DCAF12: variants seen among roughly 807,000 people sequenced by gnomAD.
DCAF12 encodes DDB1- and CUL4-associated factor 12.
Under a neutral mutation model 52.8 loss-of-function variants are expected in DCAF12, and 28 were observed. The observed-to-expected ratio is 0.53, with a 90% CI of 0.39 to 0.73. The LOEUF (loss-of-function observed/expected upper bound fraction) is 0.73, where lower values mean the gene tolerates loss of function less well. DCAF12 is among the 30% of genes least tolerant of loss of function. The probability of loss-of-function intolerance (pLI) is 0.00; values close to 1 mark genes in which losing one functional copy is unlikely to be tolerated. For missense variants in DCAF12, 425 were observed against 552.2 expected, an observed-to-expected ratio of 0.77 and a Z score of 2.31; for synonymous variants, 196 against 215.5, an observed-to-expected ratio of 0.91 and a Z score of 0.79.
chr9:34,108,812 A>ATAT (rs377504137), intron 2 of DCAF12, among the ~76,000 whole-genome samples: 10,086 of 138,522 alleles, frequency 0.073, 491 homozygotes, highest in South Asian at 0.11. Context: ...TAAATAAATA[A>ATAT]ATATATATAT....
At chr9:34,113,209 G>A (rs1293827884) in intron 2 of DCAF12, among the ~76,000 whole-genome samples, 3 of 151,898 alleles carry the variant, frequency 2.0e-5, no homozygotes, top group Non-Finnish European at 2.9e-5. Context: ...CTGCCACCAC[G>A]CCCGGCTAAT....
At chr9:34,114,183 C>T (rs568420352) in intron 2 of DCAF12, among the ~76,000 whole-genome samples, 21 of 152,184 alleles carry the variant, frequency 1.4e-4, no homozygotes, top group African/African-American at 4.8e-4. Flanking sequence ...CTTTGGACAA[C>T]ATGGATGAAC....
At chr9:34,106,694 G>A (rs2131434631) in intron 3 of DCAF12, among the ~76,000 whole-genome samples, 200 bp from the exon 4 acceptor site, 1 of 152,312 alleles carries the variant, frequency 6.6e-6, no homozygotes, top group South Asian at 2.1e-4. Context: ...AAGCTGGAAT[G>A]AAATTGGCAC....
intron 3 of DCAF12, 77 bp downstream of exon 3, chr9:34,107,282 G>A (rs1012975483): frequency 9.2e-6 from 13 of 1,407,818 alleles, no homozygotes; most frequent in African/African-American, 1.4e-5. Context: ...GGGCTGATGA[G>A]AGGAGGGTCC....
intron 2 of DCAF12, among the ~76,000 whole-genome samples, chr9:34,121,452 G>C (rs1829172836): frequency 6.6e-6 from 1 of 152,084 alleles, no homozygotes; most frequent in South Asian, 2.1e-4. Flanking sequence ...TATGGTGAAG[G>C]TTCTCCTAGG....
At chr9:34,108,808 A>T (rs12351200) in intron 2 of DCAF12, among the ~76,000 whole-genome samples, 6,412 of 115,132 alleles carry the variant, frequency 0.056, 211 homozygotes, top group East Asian at 0.11. Context: ...AAAATAAATA[A>T]ATAAATATAT....
In DCAF12 at chr9:34,126,467, G is replaced by C; in HGVS notation, c.-36C>G. 6.3e-7 allele frequency: 1 copy of C among 1,594,378 alleles called. No individual in the cohort carries two copies. ...GCCGCCGCGGCCCCGCAGCCACATG[G>C]GGCGGGGGAAGCGAAGGATAGCAGG... On this transcript the variant is annotated 5_prime_UTR_variant, in exon 1 of 9. Transcript: ENST00000361264.
At chr9:34,103,854 G>T (rs1437990531) in intron 4 of DCAF12, among the ~76,000 whole-genome samples, 1 of 151,926 alleles carries the variant, frequency 6.6e-6, no homozygotes, top group African/African-American at 2.4e-5. Context: ...AACAACAACA[G>T]TAACAACAAC....
chr9:34,093,144 T>C, intron 7 of DCAF12, 142 bp downstream of exon 7: 1 of 1,098,996 alleles, frequency 9.1e-7, no homozygotes, highest in Non-Finnish European at 1.3e-6. Context: ...CCACCACGCC[T>C]AGCCATCGCT....
Position 34,086,935 on chromosome 9 carries a change from G to C in DCAF12, c.*1415C>G, listed in dbSNP as rs1405929420. 6.6e-6 allele frequency: 1 copy of C among 152,224 alleles called. No homozygotes were observed. Among genetic ancestry groups the C allele is most frequent in the African/African-American group, 2.4e-5 (1 of 41,458 alleles). 9.4% of individuals were successfully genotyped at this position (152,224 alleles called of 1,614,324 possible). A position where few individuals can be genotyped will look rare whatever the true frequency, so the allele number is the denominator to read the frequency against. On this transcript the variant is annotated 3_prime_UTR_variant, in exon 9 of 9. Transcript: ENST00000361264. The stretch of plus-strand genomic sequence containing the variant: ...AAAATGGGATGTTGACAGAAAAGCA[G>C]AGTATGTGCTTAGAGGAACTGGTGG...
At chr9:34,106,680 C>G (rs889918279) in intron 3 of DCAF12, among the ~76,000 whole-genome samples, 186 bp from the exon 4 acceptor site, 1 of 152,160 alleles carries the variant, frequency 6.6e-6, no homozygotes, top group African/African-American at 2.4e-5. Flanking sequence ...TCTTGAGGAG[C>G]TCAAAGCTGG....
At chr9:34,110,139 A>C (rs12376939) in intron 2 of DCAF12, among the ~76,000 whole-genome samples, 13,745 of 151,904 alleles carry the variant, frequency 0.09, 898 homozygotes, top group Non-Finnish European at 0.13. Flanking sequence ...GGGACAAACC[A>C]CTCTCAAACT....
chr9:34,117,589 C>T (rs1829107703), intron 2 of DCAF12, among the ~76,000 whole-genome samples: 1 of 152,156 alleles, frequency 6.6e-6, no homozygotes, highest in Non-Finnish European at 1.5e-5. Flanking sequence ...GGTTTAGCTA[C>T]CTTAAGCATC....
intron 4 of DCAF12, among the ~76,000 whole-genome samples, chr9:34,106,021 T>C (rs1277979686): frequency 6.6e-6 from 1 of 152,044 alleles, no homozygotes; most frequent in Non-Finnish European, 1.5e-5. Flanking sequence ...GTGCTGGGAT[T>C]ACAGGTGTGA....
chr9:34,107,565 G>A lies in DCAF12; in HGVS notation c.334C>T (p.Leu112=). The change falls in exon 3 of 9, where the codon CTA becomes TTA. Residue 112 remains leucine, a splice_region_variant and synonymous_variant. Transcript: ENST00000361264. ...QVVCGTKCNT[L]FVVDVQTSQI... ...CTTGTCTGGACATCTACGACAAATA[G>A]CTACAAGAAAAAATGGATACAGAAG... 6.2e-7 allele frequency: 1 copy of A among 1,613,852 alleles called. No individual in the cohort carries two copies. Among genetic ancestry groups the A allele is most frequent in the Non-Finnish European group, 8.5e-7 (1 of 1,179,894 alleles).
chr9:34,104,660 A>G (rs1828877300), intron 4 of DCAF12, among the ~76,000 whole-genome samples: 1 of 152,208 alleles, frequency 6.6e-6, no homozygotes, highest in Admixed American at 6.5e-5. Context: ...TCATGCCTGT[A>G]ATCCCAGCAT....
chr9:34,125,397 C>G, intron 1 of DCAF12, 120 bp from the exon 2 acceptor site: 1 of 1,155,976 alleles, frequency 8.7e-7, no homozygotes, highest in Non-Finnish European at 1.2e-6. Context: ...AACACAAATA[C>G]AAACACAAGA....
In DCAF12 at chr9:34,087,507, C is replaced by A. The variant is rs540806826; in HGVS notation, c.*843G>T. The A allele has an allele frequency of 3.9e-5, 6 of 152,254 alleles. No homozygotes were observed. The highest frequency in any genetic ancestry group is 1.2e-4 in the African/African-American group (5 of 41,514). 9.4% of individuals were successfully genotyped at this position (152,254 alleles called of 1,614,324 possible). ...GCCTTTTGTAGCCTCTGGAGCTGCA[C>A]CTGGATGGTGAGTCTGATGTTTTAG... On this transcript the variant is annotated 3_prime_UTR_variant, in exon 9 of 9. Coordinates refer to ENST00000361264, the MANE Select transcript of DCAF12 (RefSeq NM_015397.4).
chr9:34,125,241 G>C lies in DCAF12; in HGVS notation c.115C>G (p.Leu39Val). ...WDHSLHKRKR[L>V]PPVKRSLVYY... is the part of the protein sequence containing the mutation. ...ACTAAGGATCTCTTCACAGGAGGAA[G>C]TCTTTTCCTTTTGTGAAGCGAGTGA... Residue 39 changes from leucine to valine, a missense_variant, in exon 2 of 9, where the codon CTT (leucine) becomes GTT (valine). Physicochemically the swap from Leu to Val is conservative, Grantham distance 32 (BLOSUM62 1). Coordinates refer to ENST00000361264, the MANE Select transcript of DCAF12 (RefSeq NM_015397.4). 1.2e-6 allele frequency: 2 copies of C among 1,614,182 alleles called. No individual in the cohort carries two copies. Among genetic ancestry groups the C allele is most frequent in the South Asian group, 2.2e-5 (2 of 91,082 alleles).
Sources: allele counts gnomAD v4.1 joint callset (sites outside exome capture counted in the v4.1 genomes callset), GRCh38; gene constraint gnomAD v4.1.1; transcripts MANE v1.5; gene names NCBI Gene and HGNC (gene_info 2026-07-23, HGNC 2026-07-21).